ITPR2: variants seen among roughly 807,000 people sequenced by gnomAD.
ITPR2 encodes inositol 1,4,5-trisphosphate-gated calcium channel ITPR2.
ITPR2 carries 207 observed loss-of-function variants against 317.1 expected under a neutral mutation model. The ratio of observed to expected loss-of-function variants is 0.65; its 90% CI spans 0.58 to 0.73. The LOEUF (loss-of-function observed/expected upper bound fraction) is 0.73, where lower values mean the gene tolerates loss of function less well. Among genes scored for constraint, ITPR2 ranks in the 30% least tolerant of loss-of-function variants. ITPR2 has a pLI of 0.00. For missense variants in ITPR2, 2,613 were observed against 3,284.0 expected (o/e 0.80, Z 4.99); for synonymous variants, 1,156 against 1,149.1 (o/e 1.01, Z -0.12).
chr12:26,599,402 A>G (rs552207873), intron 29 of ITPR2, 57 bp from the exon 30 acceptor site: 97 of 1,478,440 alleles, frequency 6.6e-5, no homozygotes, highest in Middle Eastern at 3.4e-4. Context: ...TCTATTCTAC[A>G]GTACTTAGAC....
At chr12:26,663,517 T>C (rs1414046295) in intron 15 of ITPR2, among the ~76,000 whole-genome samples, 168 bp downstream of exon 15, 1 of 152,254 alleles carries the variant, frequency 6.6e-6, no homozygotes, top group Middle Eastern at 3.2e-3. Flanking sequence ...CCATGTTCAA[T>C]ACAACTCAAA....
intron 45 of ITPR2, among the ~76,000 whole-genome samples, chr12:26,458,192 A>T (rs979491282): frequency 2.0e-4 from 30 of 152,188 alleles, no homozygotes; most frequent in African/African-American, 6.3e-4. Flanking sequence ...CACAAAATGA[A>T]GATGGCAGCA....
intron 45 of ITPR2, among the ~76,000 whole-genome samples, chr12:26,470,191 C>T (rs1942264316): frequency 6.6e-6 from 1 of 152,228 alleles, no homozygotes; most frequent in Admixed American, 6.5e-5. Context: ...AAATCCTGCC[C>T]TCATGGATTG....
rs568669301 is a variant in ITPR2 at position 26,385,357 on chromosome 12, C to A, written c.7857+2077G>T. Among the ~76,000 whole-genome samples the A allele has an allele frequency of 1.2e-3, 181 of 152,266 alleles. 1 individual carries two copies. The highest frequency in any genetic ancestry group is 1.9e-3 in the Non-Finnish European group (132 of 68,014). On this transcript the variant is annotated intron_variant, in intron 55 of 56. Transcript: ENST00000381340. ...GACCCACCGCCTTTCTCCCAATGAC[C>A]AGGCACACACTGGCTGGCATCTCAG... is the stretch of plus-strand genomic sequence containing the variant.
intron 13 of ITPR2, among the ~76,000 whole-genome samples, chr12:26,672,240 A>G (rs1947793712): frequency 6.6e-6 from 1 of 151,046 alleles, no homozygotes; most frequent in African/African-American, 2.4e-5. Context: ...AAATCAACAG[A>G]ATATACATTG....
chr12:26,607,447 A>AT (rs146918681), intron 26 of ITPR2, among the ~76,000 whole-genome samples: 1 of 152,048 alleles, frequency 6.6e-6, no homozygotes, highest in African/African-American at 2.4e-5. Flanking sequence ...ATAAGGAGGT[A>AT]TTTTTTTCTC....
intron 39 of ITPR2, 166 bp downstream of exon 39, chr12:26,493,987 T>C (rs1440073068): frequency 5.6e-6 from 3 of 533,198 alleles, no homozygotes; most frequent in African/African-American, 2.0e-5. Flanking sequence ...TGAAGCTCTG[T>C]AGTTTCTACA....
intron 55 of ITPR2, among the ~76,000 whole-genome samples, chr12:26,368,356 G>T (rs746387011): frequency 1.3e-5 from 2 of 152,180 alleles, no homozygotes; most frequent in African/African-American, 2.4e-5. Context: ...TCTTAGATCT[G>T]TTGGATCCTT....
chr12:26,455,037 C>G (rs995143808), intron 45 of ITPR2, among the ~76,000 whole-genome samples: 7 of 152,000 alleles, frequency 4.6e-5, no homozygotes, highest in Non-Finnish European at 5.9e-5. Context: ...ATAGTCTTGA[C>G]AAAGCCACTT....
intron 2 of ITPR2, among the ~76,000 whole-genome samples, chr12:26,755,192 C>T (rs1346300328): frequency 6.6e-6 from 1 of 152,130 alleles, no homozygotes; most frequent in Non-Finnish European, 1.5e-5. Flanking sequence ...CTTTATCAAT[C>T]GTGTTTTTTG....
chr12:26,663,307 T>C (rs1359358679), intron 15 of ITPR2, among the ~76,000 whole-genome samples: 1 of 152,234 alleles, frequency 6.6e-6, no homozygotes, highest in Non-Finnish European at 1.5e-5. Flanking sequence ...TCTCCCATCA[T>C]ATCTTTTCCA....
At chr12:26,750,080 T>TG (rs1949389109) in intron 2 of ITPR2, among the ~76,000 whole-genome samples, 1 of 152,190 alleles carries the variant, frequency 6.6e-6, no homozygotes, top group Non-Finnish European at 1.5e-5. Flanking sequence ...TGAGTGTGAG[T>TG]GTAACCTTGC....
At chr12:26,635,658 T>C (rs1348231882) in intron 21 of ITPR2, among the ~76,000 whole-genome samples, 3 of 152,258 alleles carry the variant, frequency 2.0e-5, no homozygotes, top group Non-Finnish European at 2.9e-5. Flanking sequence ...TCTGCTGTTA[T>C]AATAACTCAT....
chr12:26,693,809 A>G lies in ITPR2; in HGVS notation c.996+1797T>C, dbSNP rs116277832. Among the ~76,000 whole-genome samples, 1,253 of 152,310 alleles carry G rather than the reference A, an allele frequency of 8.2e-3. 13 individuals are homozygous for G. The highest frequency in any genetic ancestry group is 0.028 in the African/African-American group (1,154 of 41,566). ...CACAGAGATTTAATTAATTTGTACA[A>G]TTTGAAATTTTGATATGATGCTCTT... On this transcript the variant is annotated intron_variant, in intron 10 of 56. Transcript: ENST00000381340.
chr12:26,802,500 T>G (rs12320698), intron 1 of ITPR2, among the ~76,000 whole-genome samples: 28,968 of 150,714 alleles, frequency 0.19, 3,271 homozygotes, highest in African/African-American at 0.29. Flanking sequence ...AATATACATA[T>G]CCAACTATTT....
At chr12:26,533,080 G>A (rs1046639576) in intron 37 of ITPR2, among the ~76,000 whole-genome samples, 2 of 152,154 alleles carry the variant, frequency 1.3e-5, no homozygotes, top group East Asian at 1.9e-4. Flanking sequence ...AAACACAGTC[G>A]AAAAGTGCTT....
At chr12:26,524,414 C>T (rs1272815914) in intron 37 of ITPR2, among the ~76,000 whole-genome samples, 3 of 152,184 alleles carry the variant, frequency 2.0e-5, no homozygotes, top group Admixed American at 6.5e-5. Context: ...TTATGTACAT[C>T]TGGTTTTTAA....
At chr12:26,791,594 C>T (rs1432977042) in intron 1 of ITPR2, among the ~76,000 whole-genome samples, 1 of 152,030 alleles carries the variant, frequency 6.6e-6, no homozygotes, top group Non-Finnish European at 1.5e-5. Context: ...AATACAGTTC[C>T]TTGATTTTTT....
intron 2 of ITPR2, among the ~76,000 whole-genome samples, chr12:26,762,091 G>T (rs1197512824): frequency 6.6e-6 from 1 of 152,140 alleles, no homozygotes; most frequent in Non-Finnish European, 1.5e-5. Flanking sequence ...AAGCCTACAT[G>T]AGTATAGGAT....
Sources: gnomAD v4.1 joint callset for allele counts (sites outside exome capture counted in the v4.1 genomes callset) on GRCh38, gnomAD v4.1.1 for gene constraint, MANE v1.5 for transcripts, NCBI Gene and HGNC (gene_info 2026-07-23, HGNC 2026-07-21) for gene names.